CYB5R4: variants seen among roughly 807,000 people sequenced by gnomAD.
The protein encoded by CYB5R4 is N-terminal cytochrome b5 and cytochrome b5 oxidoreductase domain-containing protein.
A neutral mutation model predicts 70.2 loss-of-function variants in CYB5R4; 55 were observed. The ratio of observed to expected loss-of-function variants is 0.78; its 90% CI spans 0.63 to 0.98. CYB5R4 has a LOEUF of 0.98. Ranked by LOEUF, CYB5R4 falls within the 50% of genes least tolerant of loss-of-function variation. The pLI is 0.00. For missense variants in CYB5R4, 562 were observed against 612.6 expected (o/e 0.92, Z 0.87); for synonymous variants, 197 against 199.5 (o/e 0.99, Z 0.11).
At chr6:83,887,281 G>A (rs139918354) in intron 2 of CYB5R4, among the ~76,000 whole-genome samples, 1 of 152,216 alleles carries the variant, frequency 6.6e-6, no homozygotes, top group Non-Finnish European at 1.5e-5. Context: ...TGCTGGATGA[G>A]GCTAAAAATT....
chr6:83,937,261 C>T (rs553512595), intron 12 of CYB5R4, among the ~76,000 whole-genome samples: 54 of 151,670 alleles, frequency 3.6e-4, no homozygotes, highest in South Asian at 2.3e-3. Flanking sequence ...GGCAACAGAG[C>T]GAGACTCTGT....
intron 3 of CYB5R4, among the ~76,000 whole-genome samples, chr6:83,895,680 G>T (rs1485192508): frequency 6.6e-6 from 1 of 152,036 alleles, no homozygotes; most frequent in Non-Finnish European, 1.5e-5. Context: ...AGCTTGTTTT[G>T]GAGAATTCAC....
chr6:83,945,429 G>C (rs2099470425), intron 14 of CYB5R4, among the ~76,000 whole-genome samples: 1 of 152,162 alleles, frequency 6.6e-6, no homozygotes, highest in Non-Finnish European at 1.5e-5. Flanking sequence ...GCAGTGTATA[G>C]AGGGAAATTT....
At chr6:83,895,370 T>G (rs2099461708) in intron 3 of CYB5R4, among the ~76,000 whole-genome samples, 1 of 152,158 alleles carries the variant, frequency 6.6e-6, no homozygotes, top group Non-Finnish European at 1.5e-5. Flanking sequence ...TTCGCCACGT[T>G]GACCAGGCTG....
At chr6:83,886,052 CT>C (rs2099460204) in intron 2 of CYB5R4, among the ~76,000 whole-genome samples, 1 of 152,142 alleles carries the variant, frequency 6.6e-6, no homozygotes, top group South Asian at 2.1e-4. Flanking sequence ...GAATTTATTT[CT>C]TACAGTTATA....
At position 83,940,499 on chromosome 6, in the gene CYB5R4, T is replaced by C. The variant is rs2099469576; in HGVS notation, c.1260-16T>C. Reference sequence around the variant, plus strand: ...TAATTAATTAGTTATTTCTGAGTTTTTTTTTTTCTCTTAAGGAAAGTGAAG... The same window carrying C: ...TAATTAATTAGTTATTTCTGAGTTTCTTTTTTTCTCTTAAGGAAAGTGAAG... On this transcript the variant is annotated splice_polypyrimidine_tract_variant and intron_variant, in intron 13 of 15. Coordinates refer to ENST00000369681, the MANE Select transcript of CYB5R4 (RefSeq NM_016230.4). 4 of 1,560,622 alleles carry C rather than the reference T, an allele frequency of 2.6e-6. No homozygotes were observed. The highest frequency in any genetic ancestry group is 3.4e-6 in the Non-Finnish European group (4 of 1,161,094).
At chr6:83,891,680 C>T (rs970514500) in intron 2 of CYB5R4, among the ~76,000 whole-genome samples, 3 of 152,010 alleles carry the variant, frequency 2.0e-5, no homozygotes, top group Admixed American at 1.3e-4. Context: ...TAGTTTTTTT[C>T]GTCTGGAAAG....
chr6:83,899,251 A>G (rs1381041975), intron 3 of CYB5R4, among the ~76,000 whole-genome samples: 2 of 152,262 alleles, frequency 1.3e-5, no homozygotes, highest in South Asian at 2.1e-4. Flanking sequence ...GGTTCTGTTT[A>G]TATGCTGGAT....
At chr6:83,875,121 G>A (rs936263994) in intron 2 of CYB5R4, among the ~76,000 whole-genome samples, 5 of 151,974 alleles carry the variant, frequency 3.3e-5, no homozygotes, top group East Asian at 1.9e-4. Flanking sequence ...GTGCCCGGCC[G>A]TCTTTATTCT....
chr6:83,933,638 T>G (rs902056262), intron 10 of CYB5R4, among the ~76,000 whole-genome samples: 2 of 152,256 alleles, frequency 1.3e-5, no homozygotes, highest in South Asian at 2.1e-4. Context: ...TATTCTGATA[T>G]GCTGTTTATG....
rs545110581 is a variant in CYB5R4, at chr6:83,895,963, T to C, written c.330+2341T>C. Reference sequence around the variant, plus strand: ...TGTTTTTATCCCACCGCTGACCTCTTATCTTGCATTTCCAAATACCTGATA... The same window carrying C: ...TGTTTTTATCCCACCGCTGACCTCTCATCTTGCATTTCCAAATACCTGATA... On this transcript the variant is annotated intron_variant, in intron 3 of 15. Transcript: ENST00000369681. Among the ~76,000 whole-genome samples the C allele has an allele frequency of 1.7e-4, 26 of 152,198 alleles. 1 individual carries two copies. The highest frequency in any genetic ancestry group is 3.4e-4 in the Non-Finnish European group (23 of 68,034).
chr6:83,885,045 A>G (rs951056696), intron 2 of CYB5R4, among the ~76,000 whole-genome samples: 2 of 152,152 alleles, frequency 1.3e-5, no homozygotes, highest in Non-Finnish European at 2.9e-5. Flanking sequence ...ATATCTATTG[A>G]TATTTATCTT....
At chr6:83,875,939 T>C (rs972241474) in intron 2 of CYB5R4, among the ~76,000 whole-genome samples, 14 of 152,312 alleles carry the variant, frequency 9.2e-5, no homozygotes, top group South Asian at 8.3e-4. Flanking sequence ...TCTCGGAATT[T>C]AGCCTGGCAG....
intron 4 of CYB5R4, chr6:83,910,139 T>C: frequency 6.3e-7 from 1 of 1,596,582 alleles, no homozygotes; most frequent in African/African-American, 1.6e-5. Context: ...AGACATTACT[T>C]TCAAAGATTT....
intron 14 of CYB5R4, among the ~76,000 whole-genome samples, chr6:83,951,359 G>A (rs1354057446): frequency 3.3e-5 from 5 of 152,048 alleles, no homozygotes; most frequent in East Asian, 1.9e-4. Flanking sequence ...ATAGGTATAC[G>A]TGTACCATGG....
chr6:83,936,559 A>G (rs2099468952), intron 12 of CYB5R4, among the ~76,000 whole-genome samples, 183 bp downstream of exon 12: 1 of 152,110 alleles, frequency 6.6e-6, no homozygotes. Context: ...TATTATTTGC[A>G]GCATCACTGT....
At chr6:83,889,860 A>G (rs1588565442) in intron 2 of CYB5R4, among the ~76,000 whole-genome samples, 2 of 152,142 alleles carry the variant, frequency 1.3e-5, no homozygotes. Context: ...CAAGAAAAAG[A>G]AAGAGGAGGG....
chr6:83,880,248 C>T (rs983806244), intron 2 of CYB5R4, among the ~76,000 whole-genome samples: 9 of 152,160 alleles, frequency 5.9e-5, no homozygotes, highest in African/African-American at 1.2e-4. Context: ...GTGATGGGAA[C>T]GTACAATCTA....
At chr6:83,930,901 C>G (rs2099468043) in intron 10 of CYB5R4, among the ~76,000 whole-genome samples, 1 of 152,134 alleles carries the variant, frequency 6.6e-6, no homozygotes, top group Non-Finnish European at 1.5e-5. Context: ...AAACCAACTT[C>G]TAGCTTCCAA....
Sources: gnomAD v4.1 joint callset for allele counts (sites outside exome capture counted in the v4.1 genomes callset) on GRCh38, gnomAD v4.1.1 for gene constraint, MANE v1.5 for transcripts, NCBI Gene and HGNC (gene_info 2026-07-23, HGNC 2026-07-21) for gene names.